MME: variants seen among roughly 807,000 people sequenced by gnomAD.
The protein encoded by MME is neprilysin.
A neutral mutation model predicts 113.2 loss-of-function variants in MME; 98 were observed. The observed-to-expected ratio is 0.87, with a 90% confidence interval of 0.74 to 1.02. MME has a LOEUF of 1.02. MME is among the 50% of genes least tolerant of loss of function. The probability of loss-of-function intolerance (pLI) is 0.00; values close to 1 mark genes in which losing one functional copy is unlikely to be tolerated. For synonymous variants in MME, 292 were observed against 300.6 expected, an observed-to-expected ratio of 0.97 and a Z score of 0.30; for missense variants, 836 against 896.0, an observed-to-expected ratio of 0.93 and a Z score of 0.86.
chr3:155,168,891 A>G (rs1240782899), intron 20 of MME, 94 bp downstream of exon 20: 4 of 1,049,300 alleles, frequency 3.8e-6, no homozygotes, highest in Middle Eastern at 2.9e-4. Flanking sequence ...AAAGAAACTC[A>G]TATAAGCAGT....
At chr3:155,148,761 A>G (rs1721713704) in intron 16 of MME, 108 bp downstream of exon 16, 1 of 800,498 alleles carries the variant, frequency 1.2e-6, no homozygotes, top group African/African-American at 1.7e-5. Flanking sequence ...TAAAAAGTAC[A>G]AAGTCCTCTT....
chr3:155,061,132 A>G (rs1714121821), intron 1 of MME, among the ~76,000 whole-genome samples: 1 of 152,328 alleles, frequency 6.6e-6, no homozygotes, highest in African/African-American at 2.4e-5. Flanking sequence ...TAAAAATTGT[A>G]TCAAGTTAAA....
At chr3:155,045,358 C>A (rs149335593) in intron 1 of MME, among the ~76,000 whole-genome samples, 1 of 151,966 alleles carries the variant, frequency 6.6e-6, no homozygotes, top group East Asian at 1.9e-4. Flanking sequence ...CCATGTTGGC[C>A]GGGATGGTCT....
intron 3 of MME, among the ~76,000 whole-genome samples, chr3:155,091,818 T>C (rs1467285748): frequency 6.6e-6 from 1 of 152,216 alleles, no homozygotes; most frequent in Non-Finnish European, 1.5e-5. Flanking sequence ...TTTAAGACCA[T>C]TCAGAAAAGG....
chr3:155,093,610 C>A (rs1474803235), intron 3 of MME, among the ~76,000 whole-genome samples: 1 of 152,122 alleles, frequency 6.6e-6, no homozygotes, highest in African/African-American at 2.4e-5. Flanking sequence ...ATAATCCCAG[C>A]ACTTTGGGAG....
chr3:155,061,223 T>C (rs1022817481), intron 1 of MME, among the ~76,000 whole-genome samples: 1 of 151,960 alleles, frequency 6.6e-6, no homozygotes, highest in Non-Finnish European at 1.5e-5. Flanking sequence ...GAGGCCGAGG[T>C]GGGCAGATCA....
intron 14 of MME, 21 bp downstream of exon 14, chr3:155,144,478 T>C (rs780807698): frequency 6.7e-7 from 1 of 1,496,132 alleles, no homozygotes; most frequent in Admixed American, 1.7e-5. Context: ...GACAGCTAAC[T>C]AGCAAAGAAA....
intron 1 of MME, among the ~76,000 whole-genome samples, chr3:155,073,447 A>C (rs1056343385): frequency 6.6e-6 from 1 of 152,226 alleles, no homozygotes; most frequent in East Asian, 1.9e-4. Flanking sequence ...TAATCAGTGC[A>C]TGAAGTCTAC....
intron 3 of MME, among the ~76,000 whole-genome samples, chr3:155,097,317 A>G (rs114018226): frequency 0.013 from 2,026 of 152,330 alleles, 23 homozygotes; most frequent in Non-Finnish European, 0.022. Flanking sequence ...CATCACATAA[A>G]GCAACATTTA....
chr3:155,147,098 G>A, intron 14 of MME, 46 bp from the exon 15 acceptor site: 1 of 1,253,268 alleles, frequency 8.0e-7, no homozygotes, highest in Non-Finnish European at 1.2e-6. Context: ...ATTTGTATCT[G>A]AAAGTTATAT....
chr3:155,077,554 A>T (rs747574899), upstream of MME, among the ~76,000 whole-genome samples: 4 of 152,178 alleles, frequency 2.6e-5, no homozygotes, highest in Non-Finnish European at 5.9e-5. Context: ...ACAAACAACA[A>T]CAACAAAAAC....
At chr3:155,091,598 T>C (rs960608685) in intron 3 of MME, among the ~76,000 whole-genome samples, 12 of 152,174 alleles carry the variant, frequency 7.9e-5, no homozygotes, top group African/African-American at 2.9e-4. Context: ...ATAAGAGATA[T>C]AGAAAGATTC....
rs1712954373 is a variant in MME at position 155,180,307 on chromosome 3, G to T, written c.2154-53G>T. On this transcript the variant is annotated intron_variant, in intron 22 of 22. Coordinates refer to ENST00000360490, the MANE Select transcript of MME (RefSeq NM_007289.4). ...GGAAATGCTTCAGGGCTCCAGTGTG[G>T]TATGGACGTGAGTATCAAATGCTGA... is the stretch of plus-strand genomic sequence containing the variant. 19 of 1,254,626 alleles carry T rather than the reference G, an allele frequency of 1.5e-5. No individual in the cohort carries two copies. In the South Asian group the frequency reaches 2.1e-4, roughly 14 times the overall value. 77.7% of individuals were successfully genotyped at this position (1,254,626 alleles called of 1,614,324 possible). A position where few individuals can be genotyped will look rare whatever the true frequency, so the allele number is the denominator to read the frequency against.
intron 16 of MME, among the ~76,000 whole-genome samples, chr3:155,158,044 A>G (rs1167479857): frequency 6.6e-5 from 10 of 152,148 alleles, no homozygotes; most frequent in Admixed American, 6.6e-4. Context: ...AATAGACACA[A>G]GATGGATAAT....
At chr3:155,126,336 A>AT (rs1258711826) in intron 8 of MME, among the ~76,000 whole-genome samples, 1 of 104,124 alleles carries the variant, frequency 9.6e-6, no homozygotes, top group Non-Finnish European at 2.1e-5. Flanking sequence ...TATGATACAT[A>AT]TTTTTTTTAC....
intron 22 of MME, among the ~76,000 whole-genome samples, chr3:155,173,478 A>G (rs1473640835): frequency 6.6e-6 from 1 of 152,120 alleles, no homozygotes; most frequent in Non-Finnish European, 1.5e-5. Flanking sequence ...GAAAAAACAC[A>G]TTCGATTATG....
intron 3 of MME, among the ~76,000 whole-genome samples, chr3:155,094,186 A>T (rs1272693734): frequency 6.6e-6 from 1 of 152,236 alleles, no homozygotes; most frequent in Non-Finnish European, 1.5e-5. Context: ...AATTTTTGGA[A>T]GCTTACTGCT....
intron 8 of MME, among the ~76,000 whole-genome samples, chr3:155,125,708 C>G (rs113061351): frequency 1.3e-3 from 200 of 152,004 alleles, no homozygotes; most frequent in African/African-American, 4.6e-3. Flanking sequence ...GTCCACCTGC[C>G]TCGGCCCCCT....
intron 1 of MME, among the ~76,000 whole-genome samples, chr3:155,067,988 G>A (rs1363453051): frequency 6.6e-6 from 1 of 152,188 alleles, no homozygotes; most frequent in Non-Finnish European, 1.5e-5. Context: ...AATTTTCACA[G>A]AAGCTTTATG....
Sources: allele counts gnomAD v4.1 joint callset (sites outside exome capture counted in the v4.1 genomes callset), GRCh38; gene constraint gnomAD v4.1.1; transcripts MANE v1.5; gene names NCBI Gene and HGNC (gene_info 2026-07-23, HGNC 2026-07-21).